Variants in STPG4 observed in about 807,000 individuals in gnomAD.
STPG4 encodes sperm-tail PG-rich repeat containing 4, also known as protein STPG4.
STPG4 carries 41 observed loss-of-function variants against 31.5 expected under a neutral mutation model. The observed-to-expected ratio is 1.30, with a 90% CI of 1.01 to 1.69. STPG4 has a LOEUF of 1.69. Ranked by LOEUF, STPG4 falls within the 40% of genes most tolerant of loss-of-function variation. The pLI is 0.00. For synonymous variants in STPG4, 141 were observed against 103.0 expected (o/e 1.37, Z -2.24); for missense variants, 375 against 293.4 (o/e 1.28, Z -2.03).
At chr2:47,130,361 G>T in intron 3 of STPG4, 101 bp from the exon 4 acceptor site, 1 of 909,870 alleles carries the variant, frequency 1.1e-6, no homozygotes, top group Non-Finnish European at 1.7e-6. Flanking sequence ...ATACAACATT[G>T]GATAATTCCT....
intron 4 of STPG4, 25 bp from the exon 5 acceptor site, chr2:47,130,020 A>C: frequency 6.6e-7 from 1 of 1,515,564 alleles, no homozygotes; most frequent in Non-Finnish European, 9.0e-7. Flanking sequence ...AAAAAAGAAA[A>C]GTGATTTTCT....
chr2:47,116,436 T>G (rs981714699), intron 5 of STPG4, among the ~76,000 whole-genome samples: 2 of 152,230 alleles, frequency 1.3e-5, no homozygotes, highest in African/African-American at 4.8e-5. Context: ...GACTTACGTA[T>G]TTTACTAGTT....
At chr2:47,112,187 G>A (rs555489691) in intron 5 of STPG4, among the ~76,000 whole-genome samples, 5 of 152,198 alleles carry the variant, frequency 3.3e-5, no homozygotes, top group East Asian at 1.9e-4. Context: ...TTGTTTTTGA[G>A]ACGGAGTCTT....
In STPG4 at chr2:47,140,108, C is replaced by T. The variant is rs761763317; in HGVS notation, c.400-9848G>A. Among the ~76,000 whole-genome samples the T allele has an allele frequency of 5.9e-5, 9 of 152,102 alleles. No homozygotes were observed. The South Asian group carries it at 1.0e-3, about 18-fold the overall frequency. ...GTCTTTTTCATGAGTCTCTACCTCT[C>T]TCTGGTATAGACTCATGAAAATCTG... On this transcript the variant is annotated intron_variant, in intron 3 of 6. Coordinates refer to ENST00000445927, the MANE Select transcript of STPG4 (RefSeq NM_001163561.2).
intron 1 of STPG4, 140 bp from the exon 2 acceptor site, chr2:47,153,156 A>C: frequency 1.8e-6 from 1 of 558,066 alleles, no homozygotes; most frequent in South Asian, 3.2e-5. Context: ...GCTACATAAT[A>C]ATAAATTTGC....
Position 47,120,639 on chromosome 2 carries a change from TC to T in STPG4, c.519+9301del, listed in dbSNP as rs202083049. Among the ~76,000 whole-genome samples the T allele has an allele frequency of 4.1e-4, 63 of 152,206 alleles. No individual in the cohort carries two copies. The East Asian group carries it at 0.012, about 29-fold the overall frequency. ...TTTGACATCTATGGACCTGGCACAT[TC>T]ATTTGGTGGGGGTCCGGGTTTCAGT... On this transcript the variant is annotated intron_variant, in intron 5 of 6. Transcript: ENST00000445927.
intron 3 of STPG4, among the ~76,000 whole-genome samples, chr2:47,145,019 C>A (rs777628701): frequency 1.3e-5 from 2 of 152,212 alleles, no homozygotes; most frequent in African/African-American, 2.4e-5. Context: ...CGTGAGCCAC[C>A]GTGCCCAGCC....
chr2:47,094,282 C>A (rs1685628702), intron 5 of STPG4, among the ~76,000 whole-genome samples: 1 of 152,200 alleles, frequency 6.6e-6, no homozygotes, highest in African/African-American at 2.4e-5. Flanking sequence ...TTTCAAAGAC[C>A]ACTGACAAAA....
At chr2:47,098,146 A>G (rs1001630703) in intron 5 of STPG4, among the ~76,000 whole-genome samples, 17 of 152,140 alleles carry the variant, frequency 1.1e-4, no homozygotes, top group African/African-American at 3.9e-4. Flanking sequence ...TACAGACAGG[A>G]GCAGATTAAA....
chr2:47,120,671 G>T (rs1686250836), intron 5 of STPG4, among the ~76,000 whole-genome samples: 1 of 152,146 alleles, frequency 6.6e-6, no homozygotes, highest in African/African-American at 2.4e-5. Flanking sequence ...TCAGTCATAT[G>T]TTAAGAGGTC....
intron 5 of STPG4, among the ~76,000 whole-genome samples, chr2:47,112,020 C>G (rs190309594): frequency 3.9e-5 from 6 of 152,230 alleles, no homozygotes; most frequent in East Asian, 3.9e-4. Context: ...TATCAAGAGG[C>G]CTTCGGGCAC....
In STPG4 at chr2:47,151,356, G is replaced by T. The variant is rs1362426706; in HGVS notation, c.301C>A (p.Pro101Thr). ...TTTAACAGGTCCAGGAAGTCAGGAGGCATATACTGCGGAAGATCATTTAGG... is the reference window on the plus strand; with the variant it reads ...TTTAACAGGTCCAGGAAGTCAGGAGTCATATACTGCGGAAGATCATTTAGG... ...PVLNDLPQYM[P>T]PDFLDLLKKQ... is the part of the protein sequence containing the mutation. Residue 101 changes from proline to threonine, a missense_variant, in exon 3 of 7, where the codon CCT becomes ACT. Transcript: ENST00000445927. 1 of 1,614,170 alleles carries T rather than the reference G, an allele frequency of 6.2e-7. No individual in the cohort carries two copies. Among genetic ancestry groups the T allele is most frequent in the Admixed American group, 1.7e-5 (1 of 60,012 alleles).
At chr2:47,120,693 A>T (rs1202907492) in intron 5 of STPG4, among the ~76,000 whole-genome samples, 1 of 152,182 alleles carries the variant, frequency 6.6e-6, no homozygotes, top group Non-Finnish European at 1.5e-5. Context: ...TAGGGGTAGC[A>T]AACATCCTGT....
At chr2:47,092,657 G>T (rs981203809) in intron 5 of STPG4, among the ~76,000 whole-genome samples, 34 of 146,364 alleles carry the variant, frequency 2.3e-4, no homozygotes, top group Non-Finnish European at 2.7e-4. Context: ...AAAGGGAGGG[G>T]AGGGTAGAGG....
intron 5 of STPG4, among the ~76,000 whole-genome samples, chr2:47,118,990 C>A (rs1016800696): frequency 1.3e-5 from 2 of 152,304 alleles, no homozygotes; most frequent in Admixed American, 6.5e-5. Context: ...AATGAGTTTT[C>A]GTATAAAAGC....
intron 3 of STPG4, among the ~76,000 whole-genome samples, chr2:47,147,618 T>A (rs1409941957): frequency 2.0e-5 from 3 of 152,056 alleles, no homozygotes; most frequent in Non-Finnish European, 4.4e-5. Context: ...GCCAGGTTGT[T>A]GAAAGATCAT....
chr2:47,126,023 G>A (rs542004563), intron 5 of STPG4, among the ~76,000 whole-genome samples: 2 of 152,270 alleles, frequency 1.3e-5, no homozygotes, highest in Admixed American at 1.3e-4. Context: ...TCAAAAATGA[G>A]TTCACTGTAG....
At chr2:47,137,099 A>G (rs1686611989) in intron 3 of STPG4, among the ~76,000 whole-genome samples, 1 of 152,220 alleles carries the variant, frequency 6.6e-6, no homozygotes, top group South Asian at 2.1e-4. Context: ...GTTTCTCACC[A>G]TTAAGTATGA....
intron 1 of STPG4, among the ~76,000 whole-genome samples, chr2:47,153,852 A>AT (rs1686980546): frequency 6.6e-6 from 1 of 152,210 alleles, no homozygotes; most frequent in African/African-American, 2.4e-5. Context: ...GGTAGCTTTA[A>AT]TTTTTAACAT....
Sources: gnomAD v4.1 joint callset for allele counts (sites outside exome capture counted in the v4.1 genomes callset) on GRCh38, gnomAD v4.1.1 for gene constraint, MANE v1.5 for transcripts, NCBI Gene and HGNC (gene_info 2026-07-23, HGNC 2026-07-21) for gene names.